Variants in ANKFN1 observed in about 807,000 individuals in gnomAD.
ANKFN1 encodes ankyrin repeat and fibronectin type III domain containing 1.
Under a neutral mutation model 108.7 loss-of-function variants are expected in ANKFN1, and 74 were observed. The ratio of observed to expected loss-of-function variants is 0.68; its 90% confidence interval spans 0.56 to 0.83. The LOEUF (loss-of-function observed/expected upper bound fraction) is 0.83. Among genes scored for constraint, ANKFN1 ranks in the 40% least tolerant of loss-of-function variants. The pLI is 0.00. For missense variants in ANKFN1, 1,505 were observed against 1,382.3 expected, an observed-to-expected ratio of 1.09 and a Z score of -1.41; for synonymous variants, 547 against 516.2, an observed-to-expected ratio of 1.06 and a Z score of -0.81.
chr17:56,296,662 C>T (rs572693406), intron 3 of ANKFN1, among the ~76,000 whole-genome samples: 27 of 152,182 alleles, frequency 1.8e-4, no homozygotes, highest in South Asian at 1.5e-3. Flanking sequence ...CCAGCCTGGG[C>T]GACAGAGTAA....
intron 6 of ANKFN1, among the ~76,000 whole-genome samples, chr17:56,369,081 C>T (rs780934156): frequency 6.6e-6 from 1 of 152,244 alleles, no homozygotes; most frequent in South Asian, 2.1e-4. Flanking sequence ...CTGGACCATA[C>T]ACCATCTCCA....
rs1198952967 is a variant in ANKFN1, at chr17:56,513,807, A to G, written c.*2538A>G. The stretch of plus-strand genomic sequence containing the variant: ...ATGTTACATTTTAATGGGCATAGTT[A>G]AATCAATTGAAAATGCATTTTCTTA... On this transcript the variant is annotated 3_prime_UTR_variant, in exon 21 of 21. Coordinates refer to ENST00000682825, the MANE Select transcript of ANKFN1 (RefSeq NM_001370326.1). Among the ~76,000 whole-genome samples, 1 of 152,248 alleles carries G rather than the reference A, an allele frequency of 6.6e-6. No homozygotes were observed. Among genetic ancestry groups the G allele is most frequent in the African/African-American group, 2.4e-5 (1 of 41,464 alleles).
At chr17:56,152,624 G>GGCAAGTTGCTGGAAAC (rs1213229720), upstream of ANKFN1, among the ~76,000 whole-genome samples, 4 of 152,074 alleles carry the variant, frequency 2.6e-5, no homozygotes, top group Non-Finnish European at 4.4e-5. Context: ...TTGCTGGACA[G>GGCAAGTTGCTGGAAAC]GCAAGTTGCT....
intron 9 of ANKFN1, 42 bp downstream of exon 9, chr17:56,440,466 AT>A: frequency 6.6e-7 from 1 of 1,518,640 alleles, no homozygotes. Context: ...TATTGCTGAT[AT>A]TTGTGCTGGG....
intron 4 of ANKFN1, among the ~76,000 whole-genome samples, chr17:56,056,439 G>A (rs1462415396): frequency 6.7e-6 from 1 of 149,440 alleles, no homozygotes; most frequent in African/African-American, 2.5e-5. Flanking sequence ...CAAGGCTGCA[G>A]TGACTGAAAC....
At chr17:56,155,176 G>A (rs1908988126) in intron 1 of ANKFN1, among the ~76,000 whole-genome samples, 2 of 152,122 alleles carry the variant, frequency 1.3e-5, no homozygotes, top group Admixed American at 1.3e-4. Context: ...GGAAAATGCT[G>A]GACCTTAGAG....
intron 3 of ANKFN1, among the ~76,000 whole-genome samples, chr17:56,276,425 A>G (rs1250467528): frequency 6.6e-6 from 1 of 152,188 alleles, no homozygotes; most frequent in African/African-American, 2.4e-5. Context: ...AGGAATCGCC[A>G]CACTGTCTTC....
At chr17:56,075,127 G>A (rs1473504779) in intron 4 of ANKFN1, among the ~76,000 whole-genome samples, 5 of 152,184 alleles carry the variant, frequency 3.3e-5, no homozygotes, top group African/African-American at 1.2e-4. Flanking sequence ...ATGAGGAAGA[G>A]ATCATGAGAG....
intron 4 of ANKFN1, among the ~76,000 whole-genome samples, chr17:56,141,323 T>C (rs77363038): frequency 0.011 from 1,648 of 152,336 alleles, 26 homozygotes; most frequent in African/African-American, 0.037. Context: ...TAATATGGAA[T>C]ACCATAGGGC....
chr17:56,239,802 A>G (rs979935659), intron 3 of ANKFN1, among the ~76,000 whole-genome samples: 5 of 152,096 alleles, frequency 3.3e-5, no homozygotes, highest in African/African-American at 1.2e-4. Flanking sequence ...CAGCATACAA[A>G]TGGGGTTCCT....
At chr17:56,072,558 CA>C (rs1373359016) in intron 4 of ANKFN1, among the ~76,000 whole-genome samples, 1 of 152,222 alleles carries the variant, frequency 6.6e-6, no homozygotes, top group Non-Finnish European at 1.5e-5. Flanking sequence ...TCCCTTTTAA[CA>C]GCATAAATTC....
chr17:56,288,319 T>C (rs1345882176), intron 3 of ANKFN1, among the ~76,000 whole-genome samples: 2 of 152,176 alleles, frequency 1.3e-5, no homozygotes, highest in Non-Finnish European at 2.9e-5. Flanking sequence ...CCTCCCTTTA[T>C]ACAAAAGACA....
chr17:56,055,589 G>GTATA (rs1278910527), intron 4 of ANKFN1, among the ~76,000 whole-genome samples: 9 of 88,266 alleles, frequency 1.0e-4, no homozygotes, highest in African/African-American at 5.8e-4. Context: ...ATATATATAT[G>GTATA]TATATATACA....
chr17:56,143,028 G>A (rs892345933), intron 4 of ANKFN1, among the ~76,000 whole-genome samples: 17 of 152,088 alleles, frequency 1.1e-4, no homozygotes, highest in African/African-American at 3.6e-4. Context: ...ATGAATGAAT[G>A]TTTAGTTAGT....
intron 3 of ANKFN1, among the ~76,000 whole-genome samples, chr17:56,286,779 C>T (rs952022010): frequency 3.9e-5 from 6 of 152,158 alleles, no homozygotes; most frequent in Non-Finnish European, 7.3e-5. Flanking sequence ...ACTACCTTTA[C>T]ACTCCTTTTT....
chr17:56,228,262 A>G, intron 3 of ANKFN1: 1 of 278,552 alleles, frequency 3.6e-6, no homozygotes, highest in Non-Finnish European at 6.6e-6. Context: ...CTAAACATTT[A>G]AATATTCAGT....
At chr17:56,135,337 A>T (rs1907535422) in intron 4 of ANKFN1, among the ~76,000 whole-genome samples, 1 of 152,182 alleles carries the variant, frequency 6.6e-6, no homozygotes. Context: ...AACAATAGGG[A>T]CTATTTTCTG....
intron 20 of ANKFN1, among the ~76,000 whole-genome samples, chr17:56,503,267 T>C (rs1343578967): frequency 6.6e-6 from 1 of 151,736 alleles, no homozygotes; most frequent in Non-Finnish European, 1.5e-5. Context: ...CTTGGTAACC[T>C]TTTTCCAGAT....
intron 3 of ANKFN1, among the ~76,000 whole-genome samples, chr17:56,244,802 C>G (rs1294024616): frequency 6.6e-6 from 1 of 152,110 alleles, no homozygotes; most frequent in Non-Finnish European, 1.5e-5. Context: ...TCCCAATTTG[C>G]TCCTCAGTAA....
Sources: allele counts gnomAD v4.1 joint callset (sites outside exome capture counted in the v4.1 genomes callset), GRCh38; gene constraint gnomAD v4.1.1; transcripts MANE v1.5; gene names NCBI Gene and HGNC (gene_info 2026-07-23, HGNC 2026-07-21).